Variants in PVT1 observed in about 807,000 individuals in gnomAD.
The protein encoded by PVT1 is CXCR4/PVT1 fusion.
At chr8:127,822,669 G>C (rs1013713482) in intron 2 of PVT1, among the ~76,000 whole-genome samples, 1 of 152,240 alleles carries the variant, frequency 6.6e-6, no homozygotes, top group African/African-American at 2.4e-5. Flanking sequence ...CACTGAGGCA[G>C]GACTTGAGAT....
intron 2 of PVT1, among the ~76,000 whole-genome samples, chr8:127,889,194 A>C (rs1252703154): frequency 6.8e-6 from 1 of 146,238 alleles, no homozygotes; most frequent in African/African-American, 2.6e-5. Flanking sequence ...CAGTGGTGTG[A>C]TCTTGGCTCA....
intron 3 of PVT1, among the ~76,000 whole-genome samples, chr8:127,902,871 A>G (rs1815776015): frequency 6.6e-6 from 1 of 152,102 alleles, no homozygotes; most frequent in Non-Finnish European, 1.5e-5. Flanking sequence ...TGTCTTTGCT[A>G]TTGTGAATAG....
intron 2 of PVT1, among the ~76,000 whole-genome samples, chr8:127,843,694 T>C (rs1483710596): frequency 1.8e-4 from 27 of 151,500 alleles, no homozygotes; most frequent in Admixed American, 1.8e-3. Flanking sequence ...ATCCACCCTC[T>C]CCGGCCTCCC....
chr8:127,811,331 A>G (rs1379751261), intron 2 of PVT1, among the ~76,000 whole-genome samples: 1 of 152,170 alleles, frequency 6.6e-6, no homozygotes, highest in African/African-American at 2.4e-5. Context: ...GGCCAAACCA[A>G]ATACCTGTGG....
chr8:128,040,956 T>G (rs1308680124), intron 4 of PVT1, among the ~76,000 whole-genome samples: 2 of 150,276 alleles, frequency 1.3e-5, no homozygotes, highest in African/African-American at 4.9e-5. Flanking sequence ...TCTGCTTGGG[T>G]GTGTTTGTGT....
intron 2 of PVT1, among the ~76,000 whole-genome samples, chr8:127,886,557 A>C (rs1340187955): frequency 6.6e-6 from 1 of 152,080 alleles, no homozygotes; most frequent in African/African-American, 2.4e-5. Context: ...GCCTCTCCTC[A>C]AATTGTACTG....
chr8:128,020,646 T>TGAATTC (rs1817422159), intron 4 of PVT1, among the ~76,000 whole-genome samples: 1 of 152,204 alleles, frequency 6.6e-6, no homozygotes, highest in Non-Finnish European at 1.5e-5. Context: ...GCTGTCACCT[T>TGAATTC]GAATTCAGCT....
At chr8:127,949,379 C>CTGTGTGTGTGTGTGTGTG (rs61425056) in intron 3 of PVT1, among the ~76,000 whole-genome samples, 1,384 of 111,266 alleles carry the variant, frequency 0.012, 41 homozygotes, top group Middle Eastern at 0.037. Context: ...ACTCCAGGAG[C>CTGTGTGTGTGTGTGTGTG]TGTGTGTGTG....
intron 2 of PVT1, among the ~76,000 whole-genome samples, chr8:127,802,379 A>G (rs1814474887): frequency 6.6e-6 from 1 of 151,004 alleles, no homozygotes; most frequent in Non-Finnish European, 1.5e-5. Flanking sequence ...ACGCCCAGCT[A>G]ATTTTTTTGT....
intron 4 of PVT1, among the ~76,000 whole-genome samples, chr8:127,992,523 A>C (rs1282807749): frequency 6.6e-6 from 1 of 152,080 alleles, no homozygotes; most frequent in African/African-American, 2.4e-5. Flanking sequence ...ATAGGCACAC[A>C]CCACACACCC....
chr8:128,088,602 G>A (rs752095208), intron 5 of PVT1, among the ~76,000 whole-genome samples: 6 of 152,344 alleles, frequency 3.9e-5, no homozygotes, highest in East Asian at 1.9e-4. Context: ...TGCTGTGCAC[G>A]ACTTCAGTCC....
chr8:128,051,136 G>A (rs1175955543), intron 4 of PVT1, among the ~76,000 whole-genome samples: 2 of 152,212 alleles, frequency 1.3e-5, no homozygotes, highest in Admixed American at 1.3e-4. Flanking sequence ...AATTGATTGA[G>A]TGCACATGAT....
chr8:127,921,974 C>G (rs536191746), intron 3 of PVT1, among the ~76,000 whole-genome samples: 1 of 144,522 alleles, frequency 6.9e-6, no homozygotes, highest in Admixed American at 7.2e-5. Flanking sequence ...AATTTACCTG[C>G]CTCTGCCTCC....
chr8:127,958,107 T>C (rs72718601), intron 3 of PVT1, among the ~76,000 whole-genome samples: 25 of 152,354 alleles, frequency 1.6e-4, no homozygotes, highest in South Asian at 8.3e-4. Flanking sequence ...GAGTGGTTGG[T>C]TGGCTGATCT....
chr8:127,985,510 G>A lies in PVT1; in HGVS notation n.783-3652G>A, dbSNP rs60596584. Among the ~76,000 whole-genome samples, 458 of 151,558 alleles carry A rather than the reference G, an allele frequency of 3.0e-3. 4 individuals carry two copies. The highest frequency in any genetic ancestry group is 0.027 in the Middle Eastern group (8 of 294). ...TAGGCTGACTTCCCATGTTGACACAGCAACTAACTGGTGGGGATCAGCTCA... is the reference window on the plus strand; with the variant it reads ...TAGGCTGACTTCCCATGTTGACACAACAACTAACTGGTGGGGATCAGCTCA... On this transcript the variant is annotated intron_variant and non_coding_transcript_variant, in intron 3 of 10. Coordinates refer to ENST00000651587, the Ensembl canonical transcript of PVT1.
chr8:128,011,126 A>T (rs1343842313), intron 4 of PVT1, among the ~76,000 whole-genome samples: 1 of 152,170 alleles, frequency 6.6e-6, no homozygotes, highest in Non-Finnish European at 1.5e-5. Flanking sequence ...GATGGCAACA[A>T]TCTTTAGACT....
intron 4 of PVT1, among the ~76,000 whole-genome samples, chr8:128,011,859 A>T (rs1303024749): frequency 6.6e-6 from 1 of 152,216 alleles, no homozygotes; most frequent in Non-Finnish European, 1.5e-5. Context: ...AAGGAAAAGG[A>T]ACCTGAGAGA....
At chr8:127,942,339 G>A (rs191707997) in intron 3 of PVT1, among the ~76,000 whole-genome samples, 9 of 152,334 alleles carry the variant, frequency 5.9e-5, no homozygotes, top group Admixed American at 5.2e-4. Flanking sequence ...TCATCTGCCT[G>A]TGATGACAGG....
chr8:127,916,907 GT>G (rs1342567389), intron 3 of PVT1, among the ~76,000 whole-genome samples: 2 of 152,176 alleles, frequency 1.3e-5, no homozygotes, highest in Admixed American at 6.5e-5. Context: ...CGTGAGTATC[GT>G]TTCGGTTCTG....
Sources: allele counts gnomAD v4.1 joint callset (sites outside exome capture counted in the v4.1 genomes callset), GRCh38; gene constraint gnomAD v4.1.1; transcripts MANE v1.5; gene names NCBI Gene and HGNC (gene_info 2026-07-23, HGNC 2026-07-21).